TRHDE: variants seen among roughly 807,000 people sequenced by gnomAD.
TRHDE encodes thyrotropin-releasing hormone-degrading ectoenzyme.
Under a neutral mutation model 125.7 loss-of-function variants are expected in TRHDE, and 72 were observed. The observed-to-expected ratio is 0.57, with a 90% CI of 0.47 to 0.70. The LOEUF is 0.70. Among genes scored for constraint, TRHDE ranks in the 30% least tolerant of loss-of-function variants. The pLI is 0.00. For missense variants in TRHDE, 1,110 were observed against 1,327.1 expected (o/e 0.84, Z 2.54); for synonymous variants, 509 against 509.1 (o/e 1.00, Z 0.00).
chr12:72,318,245 T>TC (rs1473550188), intron 2 of TRHDE, among the ~76,000 whole-genome samples: 1 of 151,696 alleles, frequency 6.6e-6, no homozygotes, highest in Non-Finnish European at 1.5e-5. Flanking sequence ...TTGTGGAGAG[T>TC]CCAAAGAAAT....
chr12:72,663,078 T>C lies in TRHDE; in HGVS notation c.3093T>C (p.Asp1031=), dbSNP rs987809309. ...KELKNFMKNY[D]GVAAASFSRA... ...TCAAGAACTTCATGAAAAACTATGA[T>C]GGGGTAGCTGCTGCTTCTTTCTCAC... The change falls in exon 19 of 19, where the codon GAT becomes GAC. Residue 1031 remains aspartate, a synonymous_variant. Transcript: ENST00000261180. 7 of 1,611,910 alleles carry C rather than the reference T, an allele frequency of 4.3e-6. 1 individual carries two copies.
intron 12 of TRHDE, among the ~76,000 whole-genome samples, chr12:72,592,904 G>A (rs538046166): frequency 5.9e-5 from 9 of 152,026 alleles, no homozygotes; most frequent in Non-Finnish European, 1.2e-4. Flanking sequence ...GTAGAGACAC[G>A]GTTTTGCCAT....
chr12:72,661,798 C>T (rs778463941), intron 18 of TRHDE, among the ~76,000 whole-genome samples: 27 of 152,034 alleles, frequency 1.8e-4, no homozygotes, highest in Non-Finnish European at 3.1e-4. Flanking sequence ...GTTTTAAGGA[C>T]AACACCCATA....
chr12:72,402,263 T>C (rs1335301125), intron 3 of TRHDE, among the ~76,000 whole-genome samples: 1 of 149,458 alleles, frequency 6.7e-6, no homozygotes, highest in African/African-American at 2.5e-5. Flanking sequence ...TGACAGCTGA[T>C]GAGCTAAAAA....
At chr12:72,258,009 CA>C (rs1246962792) in intron 2 of TRHDE, 3 of 152,046 alleles carry the variant, frequency 2.0e-5, no homozygotes, top group African/African-American at 7.2e-5. Flanking sequence ...GGAGGAGAGA[CA>C]GCTGGGTAGA....
At chr12:72,546,953 T>A (rs187976900) in intron 7 of TRHDE, among the ~76,000 whole-genome samples, 3 of 151,674 alleles carry the variant, frequency 2.0e-5, no homozygotes, top group Non-Finnish European at 4.4e-5. Context: ...TTATGTGTGC[T>A]TTTCATTTTG....
At chr12:72,321,895 C>G (rs143578416) in intron 2 of TRHDE, among the ~76,000 whole-genome samples, 5 of 151,982 alleles carry the variant, frequency 3.3e-5, no homozygotes, top group African/African-American at 1.2e-4. Context: ...ACACACACCC[C>G]CTAAGAGTCC....
intron 3 of TRHDE, among the ~76,000 whole-genome samples, chr12:72,461,491 A>G (rs2135885769): frequency 6.6e-6 from 1 of 152,268 alleles, no homozygotes; most frequent in South Asian, 2.1e-4. Flanking sequence ...TTTTAAATGT[A>G]GTTTATATTT....
rs151185828 is a variant in TRHDE at position 72,367,891 on chromosome 12, A to G, written c.1189-10104A>G. Among the ~76,000 whole-genome samples, 308 of 152,350 alleles carry G rather than the reference A, an allele frequency of 2.0e-3. 3 individuals are homozygous for G. The highest frequency in any genetic ancestry group is 7.0e-3 in the African/African-American group (293 of 41,576). ...AGTTTCTGATGTACTCTTGCAGCATAAAATTTTCTCAGAGAATAGCTCTGG... is the reference window on the plus strand; with the variant it reads ...AGTTTCTGATGTACTCTTGCAGCATGAAATTTTCTCAGAGAATAGCTCTGG... On this transcript the variant is annotated intron_variant, in intron 2 of 18. Coordinates refer to ENST00000261180, the MANE Select transcript of TRHDE (RefSeq NM_013381.3).
In TRHDE at chr12:72,665,734, C is replaced by A. The variant is rs991991725; in HGVS notation, c.*2539C>A. The A allele has an allele frequency of 3.3e-5, 5 of 152,004 alleles. No homozygotes were observed. Among genetic ancestry groups the A allele is most frequent in the African/African-American group, 1.2e-4 (5 of 41,416 alleles). 9.4% of individuals were successfully genotyped at this position (152,004 alleles called of 1,614,324 possible). On this transcript the variant is annotated 3_prime_UTR_variant, in exon 19 of 19. Coordinates refer to ENST00000261180, the MANE Select transcript of TRHDE (RefSeq NM_013381.3). ...GAAAGTGTCCAACCTCCAGCCATAG[C>A]AATTTGCTGTGCCAATATGTGTACA...
intron 2 of TRHDE, among the ~76,000 whole-genome samples, chr12:72,129,706 T>A (rs769302156): frequency 6.6e-6 from 1 of 152,168 alleles, no homozygotes; most frequent in South Asian, 2.1e-4. Flanking sequence ...TAAAAAAATA[T>A]ATACACAAGA....
intron 15 of TRHDE, among the ~76,000 whole-genome samples, chr12:72,645,799 G>C (rs754997453): frequency 1.3e-5 from 2 of 152,098 alleles, no homozygotes; most frequent in Non-Finnish European, 2.9e-5. Flanking sequence ...AAGCTAGAAG[G>C]AAGTGGGATG....
chr12:72,518,468 C>T (rs1325709253), intron 6 of TRHDE, among the ~76,000 whole-genome samples: 3 of 151,800 alleles, frequency 2.0e-5, no homozygotes, highest in African/African-American at 4.8e-5. Context: ...GGATTGCAAC[C>T]CCTGCCTTTT....
chr12:72,510,981 C>T (rs1410963666), intron 6 of TRHDE, among the ~76,000 whole-genome samples: 1 of 152,130 alleles, frequency 6.6e-6, no homozygotes, highest in East Asian at 1.9e-4. Flanking sequence ...AGGCTGCTCA[C>T]CATTTCTCTG....
In TRHDE at chr12:72,575,540, C is replaced by A; in HGVS notation, c.2319C>A (p.Ala773=). 1.2e-6 allele frequency: 2 copies of A among 1,613,576 alleles called. No homozygotes were observed. The highest frequency in any genetic ancestry group is 1.7e-6 in the Non-Finnish European group (2 of 1,179,668). ...AGLIDDAFSL[A]RAGYLPQNIP... Reference sequence around the variant, plus strand: ...TGATCGATGATGCCTTCAGCCTAGCCAGGTATGTTTTCCTGTGGATCTCCC... The same window carrying A: ...TGATCGATGATGCCTTCAGCCTAGCAAGGTATGTTTTCCTGTGGATCTCCC... Residue 773 remains alanine (A), a splice_region_variant and synonymous_variant, in exon 12 of 19, where the codon GCC becomes GCA. Transcript: ENST00000261180.
Position 72,180,172 on chromosome 12 carries a change from C to CT in TRHDE, n.279+74428dup, listed in dbSNP as rs199531015. On this transcript the variant is annotated intron_variant and non_coding_transcript_variant, in intron 2 of 4. Transcript: ENST00000548156. ...ATATGTATTAGGGTACTAAGTTGTG[C>CT]TTTTTTTTAAAAAAAAGTTATGTTT... Among the ~76,000 whole-genome samples, 334 of 151,276 alleles carry CT rather than the reference C, an allele frequency of 2.2e-3. 2 individuals are homozygous for CT. In the East Asian group the frequency reaches 0.044, roughly 20 times the overall value.
Position 72,272,535 on chromosome 12 carries a change from G to A in TRHDE, c.-109G>A, listed in dbSNP as rs1222140114. ...AGAACCCGGGCCAGCATCCCCAGTCGCGCGCCCTCGGCCCGCGTGAGCTCT... is the reference window on the plus strand; with the variant it reads ...AGAACCCGGGCCAGCATCCCCAGTCACGCGCCCTCGGCCCGCGTGAGCTCT... On this transcript the variant is annotated 5_prime_UTR_variant, in exon 1 of 19. Transcript: ENST00000261180. This position sits in a 1 kb window ranked among gnomAD's most constrained non-coding sequence, Gnocchi z 6.7. The A allele has an allele frequency of 5.3e-6, 3 of 563,160 alleles. No individual in the cohort carries two copies. The highest frequency in any genetic ancestry group is 9.4e-6 in the Non-Finnish European group (3 of 320,050). 34.9% of individuals were successfully genotyped at this position (563,160 alleles called of 1,614,324 possible).
At chr12:72,369,180 A>G (rs1871464880) in intron 2 of TRHDE, among the ~76,000 whole-genome samples, 1 of 152,200 alleles carries the variant, frequency 6.6e-6, no homozygotes, top group Non-Finnish European at 1.5e-5. Flanking sequence ...AAAGGCTACT[A>G]GGTCCCATAG....
At chr12:72,352,875 G>A (rs1301052018) in intron 2 of TRHDE, among the ~76,000 whole-genome samples, 3 of 151,168 alleles carry the variant, frequency 2.0e-5, no homozygotes, top group Admixed American at 6.6e-5. Flanking sequence ...TTTAAAGATC[G>A]AATTATAATG....
Sources: allele counts gnomAD v4.1 joint callset (sites outside exome capture counted in the v4.1 genomes callset), GRCh38; gene constraint gnomAD v4.1.1; non-coding constraint Gnocchi (gnomAD v3.1); transcripts MANE v1.5; gene names NCBI Gene and HGNC (gene_info 2026-07-23, HGNC 2026-07-21).